Variants in CACNG1 observed in about 807,000 individuals in gnomAD.
CACNG1 encodes the protein calcium voltage-gated channel auxiliary subunit gamma 1.
Under a neutral mutation model 22.0 loss-of-function variants are expected in CACNG1, and 21 were observed. That is an observed-to-expected ratio of 0.95 (90% confidence interval 0.68 to 1.37). The LOEUF is 1.37. Among genes scored for constraint, CACNG1 ranks in the 40% most tolerant of loss-of-function variants. The pLI is 0.00. For missense variants in CACNG1, 291 were observed against 308.6 expected (o/e 0.94, Z 0.43); for synonymous variants, 127 against 129.2 (o/e 0.98, Z 0.12).
Position 67,056,067 on chromosome 17 carries a change from G to A in CACNG1, c.465G>A (p.Val155=), listed in dbSNP as rs2035759524. The stretch of plus-strand genomic sequence containing the variant: ...CAGGTCTCTGCATCCTCGTCTCGGT[G>A]GAGGTCATGCGGCAGTCGGTGAAGC... The part of the protein sequence containing the change: ...AFAGLCILVS[V]EVMRQSVKRM... Residue 155 remains valine, a synonymous_variant, in exon 4 of 4, where the codon GTG becomes GTA. Coordinates refer to ENST00000226021, the MANE Select transcript of CACNG1 (RefSeq NM_000727.4). The surrounding 1 kb of genome is among the most constrained non-coding windows in gnomAD (Gnocchi z 4.3). 6.2e-7 allele frequency: 1 copy of A among 1,612,392 alleles called. No homozygotes were observed. Among genetic ancestry groups the A allele is most frequent in the Non-Finnish European group, 8.5e-7 (1 of 1,179,976 alleles).
At chr17:67,053,844 CAG>C (rs2035742030) in intron 1 of CACNG1, 150 bp from the exon 2 acceptor site, 1 of 668,826 alleles carries the variant, frequency 1.5e-6, no homozygotes, top group Non-Finnish European at 2.7e-6. Flanking sequence ...GGGTCAAAGA[CAG>C]ATGTTTCAGC....
rs368365252 is a variant in CACNG1, at chr17:67,044,614, C to T, written c.-47C>T. 1.1e-5 allele frequency: 15 copies of T among 1,333,066 alleles called. No homozygotes were observed. The highest frequency in any genetic ancestry group is 1.8e-4 in the Middle Eastern group (1 of 5,406). The allele number at this position is 1,333,066 out of a possible 1,614,324, so 82.6% of individuals were successfully genotyped here. ...TCGGCTTGTCACCTGCCCTAGGAGA[C>T]GCAGCCGCCGGACCCTGCCCAGGGC... On this transcript the variant is annotated 5_prime_UTR_variant, in exon 1 of 4. It adds an upstream start codon to the 5' untranslated region. Coordinates refer to ENST00000226021, the MANE Select transcript of CACNG1 (RefSeq NM_000727.4). The surrounding 1 kb of genome is among the most constrained non-coding windows in gnomAD (Gnocchi z 6.9).
At chr17:67,053,711 T>G (rs540324473) in intron 1 of CACNG1, among the ~76,000 whole-genome samples, 2 of 152,244 alleles carry the variant, frequency 1.3e-5, no homozygotes, top group South Asian at 2.1e-4. Flanking sequence ...TCGGTTACCC[T>G]GTCTGCCTAA....
chr17:67,045,417 C>T (rs1167158529), intron 1 of CACNG1, among the ~76,000 whole-genome samples: 1 of 152,120 alleles, frequency 6.6e-6, no homozygotes, highest in East Asian at 1.9e-4. Context: ...CACATGAAAC[C>T]ACACATGGGC....
chr17:67,055,243 A>G lies in CACNG1; in HGVS notation c.442+3A>G. ...GTCCATGTTCTATGCCTTTGCAGGT[A>G]GACTGGGGGATCTGCCTGAGCGCCG... On this transcript the variant is annotated splice_donor_region_variant and intron_variant, in intron 3 of 3. Coordinates refer to ENST00000226021, the MANE Select transcript of CACNG1 (RefSeq NM_000727.4). The surrounding 1 kb of genome is among the most constrained non-coding windows in gnomAD (Gnocchi z 4.5). 1 of 1,610,746 alleles carries G rather than the reference A, an allele frequency of 6.2e-7. No individual in the cohort carries two copies. The highest frequency in any genetic ancestry group is 8.5e-7 in the Non-Finnish European group (1 of 1,177,408).
intron 1 of CACNG1, among the ~76,000 whole-genome samples, chr17:67,045,959 C>T (rs539304164): frequency 1.3e-5 from 2 of 152,220 alleles, no homozygotes; most frequent in African/African-American, 2.4e-5. Flanking sequence ...CCGAACCACA[C>T]GTTGAAGGTA....
chr17:67,044,624 G>C lies in CACNG1; in HGVS notation c.-37G>C. 1 of 1,456,920 alleles carries C rather than the reference G, an allele frequency of 6.9e-7. No individual in the cohort carries two copies. The highest frequency in any genetic ancestry group is 1.7e-5 in the Admixed American group (1 of 59,564). 90.2% of individuals were successfully genotyped at this position (1,456,920 alleles called of 1,614,324 possible). ...ACCTGCCCTAGGAGACGCAGCCGCC[G>C]GACCCTGCCCAGGGCACCCACGCCT... On this transcript the variant is annotated 5_prime_UTR_variant, in exon 1 of 4. Coordinates refer to ENST00000226021, the MANE Select transcript of CACNG1 (RefSeq NM_000727.4). This position sits in a 1 kb window ranked among gnomAD's most constrained non-coding sequence, Gnocchi z 6.9.
chr17:67,045,005 C>A, intron 1 of CACNG1, 116 bp downstream of exon 1: 1 of 790,554 alleles, frequency 1.3e-6, no homozygotes, highest in Non-Finnish European at 2.0e-6. Flanking sequence ...AGGGCAGCCG[C>A]CCAGCCTTTT....
chr17:67,047,043 C>A (rs1201744292), intron 1 of CACNG1, among the ~76,000 whole-genome samples: 1 of 152,172 alleles, frequency 6.6e-6, no homozygotes, highest in Non-Finnish European at 1.5e-5. Context: ...CCTTCCCCAT[C>A]TGCCCTTCTT....
In CACNG1 at chr17:67,056,017, C is replaced by T. The variant is rs770852192; in HGVS notation, c.443-28C>T. ...GTGGCTACGGCAGACGCCCCTCGGT[C>T]CCTGAGCATGCCTGGCTCTGCCCCC... On this transcript the variant is annotated intron_variant, in intron 3 of 3. Transcript: ENST00000226021. This position sits in a 1 kb window ranked among gnomAD's most constrained non-coding sequence, Gnocchi z 4.3. The T allele has an allele frequency of 2.3e-4, 360 of 1,587,268 alleles. 3 individuals are homozygous for T. Among genetic ancestry groups the T allele is most frequent in the Non-Finnish European group, 7.1e-5 (83 of 1,163,684 alleles).
At position 67,053,203 on chromosome 17, in the gene CACNG1, G is replaced by A. The variant is rs566446285; in HGVS notation, c.230-793G>A. 3.3e-5 allele frequency among the ~76,000 whole-genome samples: 5 copies of A among 152,228 alleles called. No homozygotes were observed. In the South Asian group the frequency reaches 8.3e-4, roughly 25 times the overall value. ...CAGGGACCCAGTGAAACCACATGAT[G>A]GTCACATTCAGCCCTCGTAGGGGTT... is the stretch of plus-strand genomic sequence containing the variant. On this transcript the variant is annotated intron_variant, in intron 1 of 3. Transcript: ENST00000226021.
rs544776088 is a variant in CACNG1 at position 67,054,779 on chromosome 17, GACAC to G, written c.305-318_305-315del. 1.3e-5 allele frequency among the ~76,000 whole-genome samples: 2 copies of G among 149,280 alleles called. No individual in the cohort carries two copies. Among genetic ancestry groups the G allele is most frequent in the African/African-American group, 2.5e-5 (1 of 40,300 alleles). Reference sequence around the variant, plus strand: ...GATGACACACAAAATGACACACAGTGACACACACAGACACACACTGACACACACG... The same window carrying G: ...GATGACACACAAAATGACACACAGTGACACAGACACACACTGACACACACG... On this transcript the variant is annotated intron_variant, in intron 2 of 3. Coordinates refer to ENST00000226021, the MANE Select transcript of CACNG1 (RefSeq NM_000727.4). This position sits in a 1 kb window ranked among gnomAD's most constrained non-coding sequence, Gnocchi z 4.6.
At chr17:67,053,111 T>C (rs539055390) in intron 1 of CACNG1, among the ~76,000 whole-genome samples, 141 of 152,318 alleles carry the variant, frequency 9.3e-4, no homozygotes, top group Non-Finnish European at 1.5e-3. Context: ...ATAGCTTTTA[T>C]GACAATTATC....
intron 1 of CACNG1, among the ~76,000 whole-genome samples, chr17:67,050,940 C>T (rs1567766323): frequency 2.0e-5 from 3 of 152,196 alleles, no homozygotes; most frequent in Admixed American, 1.3e-4. Flanking sequence ...AATGGCACGA[C>T]CTCAGAGTTC....
intron 1 of CACNG1, among the ~76,000 whole-genome samples, chr17:67,047,170 ATTG>A (rs1332805633): frequency 1.6e-4 from 24 of 152,178 alleles, no homozygotes; most frequent in African/African-American, 5.1e-4. Flanking sequence ...TGTGCCAAAT[ATTG>A]TTGTAAACGC....
At chr17:67,045,788 G>T (rs190100678) in intron 1 of CACNG1, among the ~76,000 whole-genome samples, 133 of 152,260 alleles carry the variant, frequency 8.7e-4, no homozygotes, top group African/African-American at 3.2e-3. Context: ...CTCCCAGAGT[G>T]CTGGGATTAC....
At chr17:67,051,536 G>C (rs2035728224) in intron 1 of CACNG1, among the ~76,000 whole-genome samples, 1 of 152,192 alleles carries the variant, frequency 6.6e-6, no homozygotes, top group Non-Finnish European at 1.5e-5. Context: ...CCCCAGTTCA[G>C]CCATGTAAGA....
intron 1 of CACNG1, among the ~76,000 whole-genome samples, chr17:67,045,764 C>A (rs918874751): frequency 1.4e-4 from 21 of 151,994 alleles, no homozygotes; most frequent in African/African-American, 5.1e-4. Context: ...CTCAGGTGAT[C>A]CACCTGCCTT....
In CACNG1 at chr17:67,055,241, G is replaced by A; in HGVS notation, c.442+1G>A. The A allele has an allele frequency of 6.2e-7, 1 of 1,611,686 alleles. No homozygotes were observed. Among genetic ancestry groups the A allele is most frequent in the African/African-American group, 1.3e-5 (1 of 75,024 alleles). Reference sequence around the variant, plus strand: ...GCGTCCATGTTCTATGCCTTTGCAGGTAGACTGGGGGATCTGCCTGAGCGC... The same window carrying A: ...GCGTCCATGTTCTATGCCTTTGCAGATAGACTGGGGGATCTGCCTGAGCGC... On this transcript the variant is annotated splice_donor_variant, in intron 3 of 3. Coordinates refer to ENST00000226021, the MANE Select transcript of CACNG1 (RefSeq NM_000727.4). LOFTEE classifies it high-confidence loss of function. The surrounding 1 kb of genome is among the most constrained non-coding windows in gnomAD (Gnocchi z 4.5).
Sources: allele counts gnomAD v4.1 joint callset (sites outside exome capture counted in the v4.1 genomes callset), GRCh38; gene constraint gnomAD v4.1.1; non-coding constraint Gnocchi (gnomAD v3.1); transcripts MANE v1.5; gene names NCBI Gene and HGNC (gene_info 2026-07-23, HGNC 2026-07-21).